The following CCDC83 variants were observed in gnomAD, a reference collection of about 807,000 sequenced individuals.
The protein encoded by CCDC83 is coiled-coil domain-containing protein 83.
Under a neutral mutation model 50.1 loss-of-function variants are expected in CCDC83, and 54 were observed. That is an observed-to-expected ratio of 1.08 (90% CI 0.87 to 1.35). The LOEUF (loss-of-function observed/expected upper bound fraction) is 1.35. Ranked by LOEUF, CCDC83 falls within the 40% of genes most tolerant of loss-of-function variation. The probability of loss-of-function intolerance (pLI) is 0.00; values close to 1 mark genes in which losing one functional copy is unlikely to be tolerated. For synonymous variants in CCDC83, 161 were observed against 153.3 expected (o/e 1.05, Z -0.37); for missense variants, 518 against 473.9 (o/e 1.09, Z -0.86).
At chr11:85,897,057 T>G (rs971363021) in intron 6 of CCDC83, among the ~76,000 whole-genome samples, 1 of 152,252 alleles carries the variant, frequency 6.6e-6, no homozygotes, top group African/African-American at 2.4e-5. Context: ...ATTCAGCTAC[T>G]TTGTAAGTGA....
At chr11:85,859,176 AAAAAC>A (rs2093160852) in intron 1 of CCDC83, among the ~76,000 whole-genome samples, 1 of 148,972 alleles carries the variant, frequency 6.7e-6, no homozygotes, top group Non-Finnish European at 1.5e-5. Context: ...AAAAAAAAAA[AAAAAC>A]CCCTAGGAAT....
At chr11:85,891,358 T>G (rs1036448072) in intron 5 of CCDC83, among the ~76,000 whole-genome samples, 1 of 152,170 alleles carries the variant, frequency 6.6e-6, no homozygotes, top group Admixed American at 6.5e-5. Flanking sequence ...GAGAAAACAC[T>G]TAGAGCTGCT....
At chr11:85,864,633 G>C (rs2093196594) in intron 1 of CCDC83, among the ~76,000 whole-genome samples, 1 of 152,062 alleles carries the variant, frequency 6.6e-6, no homozygotes, top group East Asian at 1.9e-4. Flanking sequence ...TAATTTTTTT[G>C]GATCCTGATT....
chr11:85,914,046 C>A (rs557870478), intron 8 of CCDC83, among the ~76,000 whole-genome samples: 1 of 152,254 alleles, frequency 6.6e-6, no homozygotes, highest in East Asian at 1.9e-4. Flanking sequence ...GACATGTCTC[C>A]CTGAAGACCA....
chr11:85,890,066 G>A (rs922190714), intron 5 of CCDC83, among the ~76,000 whole-genome samples: 1 of 152,206 alleles, frequency 6.6e-6, no homozygotes, highest in African/African-American at 2.4e-5. Context: ...CCCCCACCGA[G>A]GAGCAGGTAA....
At chr11:85,861,413 T>C (rs968309325) in intron 1 of CCDC83, among the ~76,000 whole-genome samples, 1 of 152,158 alleles carries the variant, frequency 6.6e-6, no homozygotes, top group Admixed American at 6.5e-5. Context: ...TCTAGCTAGT[T>C]AATGGCTGAG....
rs372954092 is a variant in CCDC83 at position 85,886,289 on chromosome 11, A to G, written c.433A>G (p.Ser145Gly). 6.8e-6 allele frequency: 11 copies of G among 1,611,112 alleles called. No homozygotes were observed. Among genetic ancestry groups the G allele is most frequent in the Admixed American group, 6.8e-5 (4 of 59,162 alleles). Residue 145 changes from serine (S) to glycine (G), a missense_variant, in exon 5 of 11, where the codon AGT becomes GGT. Coordinates refer to ENST00000342404, the MANE Select transcript of CCDC83 (RefSeq NM_001286159.2). ...EYWEEYKNVG[S>G]ERHAKLITSL... ...TTGGGAGGAGTACAAGAATGTAGGG[A>G]GTGAACGACATGCTAAACTCATTAC...
chr11:85,909,916 A>C (rs2093445387), intron 7 of CCDC83, among the ~76,000 whole-genome samples: 1 of 152,172 alleles, frequency 6.6e-6, no homozygotes, highest in Non-Finnish European at 1.5e-5. Flanking sequence ...ATGTTTATCA[A>C]TGACCTTCCA....
upstream of CCDC83, chr11:85,855,239 C>T (rs2093132500): frequency 6.6e-6 from 1 of 152,386 alleles, no homozygotes; most frequent in South Asian, 2.1e-4. Flanking sequence ...TGGCTGGCCT[C>T]TTTTCTTGGC....
chr11:85,909,557 A>G (rs140249473), intron 7 of CCDC83, among the ~76,000 whole-genome samples: 10 of 137,354 alleles, frequency 7.3e-5, no homozygotes, highest in Middle Eastern at 4.8e-3. Context: ...ACATTCTTCT[A>G]TATACTCTTC....
rs774400164 is a variant in CCDC83, at chr11:85,916,266, A to G, written c.1080+33A>G. ...TCATAACAACACAACTTTGACTACT[A>G]AGAAAATGCTGTTTTGAGAAATGCT... is the stretch of plus-strand genomic sequence containing the variant. On this transcript the variant is annotated intron_variant, in intron 10 of 10. Transcript: ENST00000342404. The G allele has an allele frequency of 1.2e-5, 17 of 1,396,078 alleles. 1 individual carries two copies. The highest frequency in any genetic ancestry group is 5.8e-5 in the Admixed American group (3 of 51,938). 86.5% of individuals were successfully genotyped at this position (1,396,078 alleles called of 1,614,324 possible).
chr11:85,859,743 T>C (rs1345026531), intron 1 of CCDC83, among the ~76,000 whole-genome samples: 3 of 152,204 alleles, frequency 2.0e-5, no homozygotes, highest in Non-Finnish European at 4.4e-5. Context: ...GGAAATACCA[T>C]TCTGGACATT....
intron 5 of CCDC83, among the ~76,000 whole-genome samples, chr11:85,887,225 C>T (rs1185377316): frequency 1.3e-5 from 2 of 152,194 alleles, no homozygotes; most frequent in Admixed American, 6.5e-5. Context: ...CGATGAGGGC[C>T]AGCTGTCTGT....
intron 6 of CCDC83, among the ~76,000 whole-genome samples, chr11:85,896,400 C>CAAAAA (rs58450617): frequency 7.9e-5 from 4 of 50,502 alleles, no homozygotes; most frequent in South Asian, 9.9e-4. Context: ...GACCTTGTCT[C>CAAAAA]AAAAAAAAAA....
intron 2 of CCDC83, 67 bp from the exon 3 acceptor site, chr11:85,873,144 C>T (rs2153683531): frequency 5.0e-6 from 4 of 797,718 alleles, no homozygotes; most frequent in Middle Eastern, 2.5e-4. Context: ...CTTCAAATAC[C>T]TTTTAAATTT....
intron 3 of CCDC83, among the ~76,000 whole-genome samples, chr11:85,877,501 A>C (rs68059633): frequency 6.6e-6 from 1 of 152,002 alleles, no homozygotes; most frequent in Non-Finnish European, 1.5e-5. Context: ...AATTTTTTTT[A>C]AATTTTGTAA....
Position 85,912,845 on chromosome 11 carries a change from G to A in CCDC83, c.794+1443G>A, listed in dbSNP as rs377178274. Reference sequence around the variant, plus strand: ...AGATACCCTCTAAACTGCCAGACCCGTGTCTCTACCTGGATCAACTCAGTC... The same window carrying A: ...AGATACCCTCTAAACTGCCAGACCCATGTCTCTACCTGGATCAACTCAGTC... On this transcript the variant is annotated intron_variant, in intron 8 of 10. Transcript: ENST00000342404. 1.7e-3 allele frequency: 1,259 copies of A among 753,476 alleles called. 31 individuals carry two copies. The South Asian group carries it at 0.018, about 11-fold the overall frequency. 46.7% of individuals were successfully genotyped at this position (753,476 alleles called of 1,614,324 possible). A position where few individuals can be genotyped will look rare whatever the true frequency, so the allele number is the denominator to read the frequency against.
intron 2 of CCDC83, among the ~76,000 whole-genome samples, chr11:85,866,145 T>C (rs931580904): frequency 1.3e-5 from 2 of 152,226 alleles, no homozygotes; most frequent in African/African-American, 4.8e-5. Context: ...TGAGGGTCTG[T>C]GAACCTTAGC....
chr11:85,885,210 T>C (rs115868135), intron 4 of CCDC83, among the ~76,000 whole-genome samples: 330 of 150,824 alleles, frequency 2.2e-3, no homozygotes, highest in African/African-American at 6.9e-3. Context: ...CAAAACTCCA[T>C]CTCAAAAAAA....
Sources: allele counts gnomAD v4.1 joint callset (sites outside exome capture counted in the v4.1 genomes callset), GRCh38; gene constraint gnomAD v4.1.1; transcripts MANE v1.5; gene names NCBI Gene and HGNC (gene_info 2026-07-23, HGNC 2026-07-21).